KCNIP3: variants seen among roughly 807,000 people sequenced by gnomAD.
The protein encoded by KCNIP3 is potassium voltage-gated channel interacting protein 3.
KCNIP3 carries 28 observed loss-of-function variants against 35.0 expected under a neutral mutation model. The ratio of observed to expected loss-of-function variants is 0.80; its 90% CI spans 0.59 to 1.10. The LOEUF is 1.10. Among genes scored for constraint, KCNIP3 ranks in the 50% least tolerant of loss-of-function variants. The pLI is 0.00. For synonymous variants in KCNIP3, 134 were observed against 133.8 expected, an observed-to-expected ratio of 1.00 and a Z score of -0.01; for missense variants, 295 against 338.4, an observed-to-expected ratio of 0.87 and a Z score of 1.01.
intron 2 of KCNIP3, among the ~76,000 whole-genome samples, chr2:95,314,493 G>C (rs956798619): frequency 6.6e-6 from 1 of 152,212 alleles, no homozygotes; most frequent in Non-Finnish European, 1.5e-5. Flanking sequence ...CTGAGTCCTG[G>C]GTGGTCCTGC....
Position 95,310,486 on chromosome 2 carries a change from G to A in KCNIP3, c.147G>A (p.Lys49=), listed in dbSNP as rs761720470. 2 of 1,613,736 alleles carry A rather than the reference G, an allele frequency of 1.2e-6. No individual in the cohort carries two copies. The highest frequency in any genetic ancestry group is 1.3e-5 in the African/African-American group (1 of 74,918). Reference sequence around the variant, plus strand: ...CTTTGATGAGATGCTGCCTGGTCAAGTGGATCCTGTCCAGCACAGCCCCAC... The same window carrying A: ...CTTTGATGAGATGCTGCCTGGTCAAATGGATCCTGTCCAGCACAGCCCCAC... ...RQALMRCCLV[K]WILSSTAPQG... is the part of the protein sequence containing the mutation. The change falls in exon 2 of 9, where the codon AAG becomes AAA. Residue 49 remains lysine, a synonymous_variant. Transcript: ENST00000295225.
At chr2:95,363,020 G>A (rs1030659128) in intron 2 of KCNIP3, among the ~76,000 whole-genome samples, 13 of 152,078 alleles carry the variant, frequency 8.5e-5, no homozygotes, top group Admixed American at 6.5e-5. Context: ...GCTGATACCT[G>A]CTCTAGAGAT....
intron 1 of KCNIP3, among the ~76,000 whole-genome samples, chr2:95,304,821 C>G (rs1280872126): frequency 1.3e-5 from 2 of 152,236 alleles, no homozygotes; most frequent in Non-Finnish European, 2.9e-5. Context: ...TGGCTCCCCA[C>G]AGGCCAGGAG....
chr2:95,325,493 C>A (rs1410420015), intron 2 of KCNIP3, among the ~76,000 whole-genome samples: 1 of 152,084 alleles, frequency 6.6e-6, no homozygotes, highest in Non-Finnish European at 1.5e-5. Flanking sequence ...GTTCAGGGGG[C>A]CAAGGCAGCC....
At chr2:95,368,222 C>T (rs1483784918) in intron 2 of KCNIP3, among the ~76,000 whole-genome samples, 5 of 152,148 alleles carry the variant, frequency 3.3e-5, no homozygotes, top group African/African-American at 9.7e-5. Context: ...AGCAGAATAA[C>T]CCTGAGACTT....
rs781346275 is a variant in KCNIP3 at position 95,382,475 on chromosome 2, C to T, written c.654C>T (p.Phe218=). ...CGCCGGCGGAGCACGTGGAGAGGTT[C>T]TTCGAGGTGAGCGAGCGCCAGCCCT... ...EDAPAEHVER[F]FEKMDRNQDG... The change falls in exon 7 of 9, where the codon TTC becomes TTT. Residue 218 remains phenylalanine (F), a synonymous_variant. Transcript: ENST00000295225. The surrounding 1 kb of genome is among the most constrained non-coding windows in gnomAD (Gnocchi z 4.5). 2 of 1,602,422 alleles carry T rather than the reference C, an allele frequency of 1.2e-6. No individual in the cohort carries two copies. The highest frequency in any genetic ancestry group is 3.4e-5 in the Admixed American group (2 of 58,494).
At chr2:95,353,994 A>G (rs545307569) in intron 2 of KCNIP3, among the ~76,000 whole-genome samples, 112 of 152,326 alleles carry the variant, frequency 7.4e-4, no homozygotes, top group South Asian at 1.7e-3. Flanking sequence ...GTCTGACCCC[A>G]TGTCAGTGGC....
At chr2:95,328,639 G>A (rs1678850004) in intron 2 of KCNIP3, among the ~76,000 whole-genome samples, 1 of 152,250 alleles carries the variant, frequency 6.6e-6, no homozygotes, top group Admixed American at 6.5e-5. Flanking sequence ...CAGGTCGTCT[G>A]TGACTGCCGT....
intron 2 of KCNIP3, among the ~76,000 whole-genome samples, chr2:95,320,160 G>A (rs1678557325): frequency 6.6e-6 from 1 of 152,182 alleles, no homozygotes; most frequent in Admixed American, 6.5e-5. Context: ...TGAGGTGGGT[G>A]CTGCTGAAAA....
intron 2 of KCNIP3, among the ~76,000 whole-genome samples, chr2:95,347,545 C>G (rs1288239598): frequency 6.6e-6 from 1 of 152,216 alleles, no homozygotes; most frequent in Non-Finnish European, 1.5e-5. Context: ...TGGGGCCTCC[C>G]CTTTCGCCCC....
chr2:95,344,228 G>A (rs534768960), intron 2 of KCNIP3, among the ~76,000 whole-genome samples: 2 of 149,224 alleles, frequency 1.3e-5, no homozygotes, highest in South Asian at 4.3e-4. Flanking sequence ...GGAAATGCAC[G>A]CCAGGGCAGA....
chr2:95,314,521 A>C (rs1678404244), intron 2 of KCNIP3, among the ~76,000 whole-genome samples: 10 of 152,198 alleles, frequency 6.6e-5, no homozygotes, highest in Admixed American at 5.2e-4. Context: ...GGGTTGCTAG[A>C]AGCCCCCACT....
chr2:95,314,733 C>G (rs1348822097), intron 2 of KCNIP3, among the ~76,000 whole-genome samples: 1 of 152,270 alleles, frequency 6.6e-6, no homozygotes, highest in Non-Finnish European at 1.5e-5. Context: ...CCCCTGCTGC[C>G]TCCTGCTGGG....
intron 2 of KCNIP3, chr2:95,311,010 C>G (rs1678300896): frequency 5.5e-6 from 1 of 180,732 alleles, no homozygotes; most frequent in South Asian, 1.3e-4. Flanking sequence ...TCAGTGCACC[C>G]CAAGGATTGG....
At chr2:95,314,424 GC>G (rs1488796132) in intron 2 of KCNIP3, among the ~76,000 whole-genome samples, 1 of 152,178 alleles carries the variant, frequency 6.6e-6, no homozygotes, top group African/African-American at 2.4e-5. Flanking sequence ...ATGGATTAAA[GC>G]CACAAAGATG....
intron 2 of KCNIP3, chr2:95,347,192 C>T (rs1487232131): frequency 1.5e-6 from 2 of 1,345,208 alleles, no homozygotes; most frequent in African/African-American, 1.4e-5. Context: ...GGGACCAGTA[C>T]CCGCACGCCG....
intron 4 of KCNIP3, 27 bp from the exon 5 acceptor site, chr2:95,375,111 C>T (rs1165209399): frequency 5.0e-6 from 8 of 1,610,556 alleles, no homozygotes; most frequent in Non-Finnish European, 6.8e-6. Context: ...CCCCGACACA[C>T]CCCAGCCTCT....
At chr2:95,324,044 C>A (rs1678660535) in intron 2 of KCNIP3, among the ~76,000 whole-genome samples, 1 of 152,214 alleles carries the variant, frequency 6.6e-6, no homozygotes, top group South Asian at 2.1e-4. Flanking sequence ...CCTTGGAATC[C>A]CCACCCACGC....
intron 2 of KCNIP3, among the ~76,000 whole-genome samples, chr2:95,355,525 G>A (rs1220718853): frequency 6.6e-6 from 1 of 152,076 alleles, no homozygotes; most frequent in Non-Finnish European, 1.5e-5. Context: ...GCCCTGATGT[G>A]TAATGTTCCC....
Sources: allele counts gnomAD v4.1 joint callset (sites outside exome capture counted in the v4.1 genomes callset), GRCh38; gene constraint gnomAD v4.1.1; non-coding constraint Gnocchi (gnomAD v3.1); transcripts MANE v1.5; gene names NCBI Gene and HGNC (gene_info 2026-07-23, HGNC 2026-07-21).